Variants in RAB31 observed in about 807,000 individuals in gnomAD.
RAB31 encodes the protein RAB31, member RAS oncogene family.
Under a neutral mutation model 25.6 loss-of-function variants are expected in RAB31, and 21 were observed. The ratio of observed to expected loss-of-function variants is 0.82; its 90% CI spans 0.58 to 1.18. RAB31 has a LOEUF of 1.18. Among genes scored for constraint, RAB31 ranks in the 50% most tolerant of loss-of-function variants. The pLI, the probability that RAB31 is intolerant of heterozygous loss-of-function variation, is 0.00. For synonymous variants in RAB31, 87 were observed against 84.0 expected (o/e 1.04, Z -0.20); for missense variants, 196 against 250.1 (o/e 0.78, Z 1.46).
Position 9,766,974 on chromosome 18 carries a change from C to T in RAB31, c.40-8304C>T, listed in dbSNP as rs182303596. Among the ~76,000 whole-genome samples the T allele has an allele frequency of 6.6e-6, 1 of 152,030 alleles. No individual in the cohort carries two copies. The highest frequency in any genetic ancestry group is 2.4e-5 in the African/African-American group (1 of 41,444). On this transcript the variant is annotated intron_variant, in intron 1 of 6. Transcript: ENST00000578921. This position sits in a 1 kb window ranked among gnomAD's most constrained non-coding sequence, Gnocchi z 4.3. ...CTTGTCTCAAAACAAACAAACAAAA[C>T]CCCAAACCAAAACAAACAAAAAGAA...
chr18:9,794,144 C>T (rs1020063551), intron 3 of RAB31, among the ~76,000 whole-genome samples: 10 of 152,158 alleles, frequency 6.6e-5, no homozygotes, highest in African/African-American at 2.4e-4. Flanking sequence ...GTCCTCCTGC[C>T]TTGGCCTTCC....
intron 1 of RAB31, among the ~76,000 whole-genome samples, chr18:9,715,001 C>A (rs2068036845): frequency 6.6e-6 from 1 of 152,176 alleles, no homozygotes; most frequent in Non-Finnish European, 1.5e-5. Flanking sequence ...TCGCACAGTG[C>A]TGTGCTAACT....
chr18:9,728,411 A>C (rs1377886888), intron 1 of RAB31, among the ~76,000 whole-genome samples: 1 of 152,260 alleles, frequency 6.6e-6, no homozygotes, highest in Admixed American at 6.5e-5. Context: ...AGAGAATAGG[A>C]GATTGATATC....
intron 6 of RAB31, among the ~76,000 whole-genome samples, chr18:9,849,944 G>T (rs186503537): frequency 2.0e-5 from 3 of 152,320 alleles, no homozygotes; most frequent in Admixed American, 2.0e-4. Flanking sequence ...AAGCAGGAGT[G>T]CAGAGTGTCC....
intron 1 of RAB31, among the ~76,000 whole-genome samples, chr18:9,724,984 C>T (rs1457738231): frequency 2.6e-5 from 4 of 152,266 alleles, no homozygotes; most frequent in African/African-American, 7.2e-5. Context: ...GTCTGGTGAG[C>T]GGACCGGGCA....
intron 2 of RAB31, among the ~76,000 whole-genome samples, chr18:9,788,925 G>A (rs2068446612): frequency 6.6e-6 from 1 of 152,190 alleles, no homozygotes; most frequent in Non-Finnish European, 1.5e-5. Context: ...AGCTGAGACT[G>A]TGCCACTGCA....
At chr18:9,760,975 A>G (rs1166119566) in intron 1 of RAB31, among the ~76,000 whole-genome samples, 4 of 152,154 alleles carry the variant, frequency 2.6e-5, no homozygotes, top group Non-Finnish European at 5.9e-5. Context: ...ATGAGATCCT[A>G]AAAGCAAGTT....
intron 6 of RAB31, 111 bp from the exon 7 acceptor site, chr18:9,859,117 C>A: frequency 1.2e-6 from 1 of 844,360 alleles, no homozygotes; most frequent in Non-Finnish European, 1.8e-6. Flanking sequence ...CCAGGAACAC[C>A]TTTATTTTGT....
At chr18:9,745,079 AG>A (rs2068198856) in intron 1 of RAB31, among the ~76,000 whole-genome samples, 2 of 152,306 alleles carry the variant, frequency 1.3e-5, no homozygotes, top group South Asian at 4.1e-4. Context: ...TAAGAAAAAA[AG>A]AGAAAAGAAG....
chr18:9,766,608 C>G lies in RAB31; in HGVS notation c.40-8670C>G, dbSNP rs1427835255. The stretch of plus-strand genomic sequence containing the variant: ...ACAAGGTCTGCTGCCCTGTACAGGC[C>G]TCCTGAATTCCCTAACTTAACTCCT... On this transcript the variant is annotated intron_variant, in intron 1 of 6. Transcript: ENST00000578921. The surrounding 1 kb of genome is among the most constrained non-coding windows in gnomAD (Gnocchi z 4.3). Among the ~76,000 whole-genome samples, 1 of 152,150 alleles carries G rather than the reference C, an allele frequency of 6.6e-6. No homozygotes were observed. Among genetic ancestry groups the G allele is most frequent in the Non-Finnish European group, 1.5e-5 (1 of 68,026 alleles).
intron 5 of RAB31, among the ~76,000 whole-genome samples, chr18:9,836,063 C>T (rs1053575528): frequency 6.6e-6 from 1 of 152,036 alleles, no homozygotes; most frequent in African/African-American, 2.4e-5. Flanking sequence ...ATACCTTAAA[C>T]ATGTGGGATG....
Position 9,859,492 on chromosome 18 carries a change from A to C in RAB31, c.*167A>C. 1.9e-6 allele frequency: 1 copy of C among 525,144 alleles called. No homozygotes were observed. The highest frequency in any genetic ancestry group is 3.3e-6 in the Non-Finnish European group (1 of 307,000). 32.5% of individuals were successfully genotyped at this position (525,144 alleles called of 1,614,324 possible). On this transcript the variant is annotated 3_prime_UTR_variant, in exon 7 of 7. Coordinates refer to ENST00000578921, the MANE Select transcript of RAB31 (RefSeq NM_006868.4). ...GGGCGGGGCAGGAAATGTACCTGAA[A>C]AGGATTTTAGAAAACCCTGGGAAAA...
chr18:9,709,279 A>T (rs1305168831), intron 1 of RAB31, among the ~76,000 whole-genome samples: 1 of 152,160 alleles, frequency 6.6e-6, no homozygotes, highest in Non-Finnish European at 1.5e-5. Context: ...GAATTCAGAT[A>T]AACGTAGGGT....
At chr18:9,796,901 A>T (rs1298552586) in intron 3 of RAB31, among the ~76,000 whole-genome samples, 1 of 152,110 alleles carries the variant, frequency 6.6e-6, no homozygotes, top group Non-Finnish European at 1.5e-5. Flanking sequence ...ATGCTAAAGT[A>T]AATATTAATT....
At chr18:9,817,445 A>G (rs1278652316) in intron 5 of RAB31, among the ~76,000 whole-genome samples, 1 of 152,166 alleles carries the variant, frequency 6.6e-6, no homozygotes, top group Non-Finnish European at 1.5e-5. Context: ...CAGCTCTGGC[A>G]TTTGACATGT....
chr18:9,774,610 C>T (rs2145490478), intron 1 of RAB31, among the ~76,000 whole-genome samples: 1 of 152,222 alleles, frequency 6.6e-6, no homozygotes, highest in East Asian at 1.9e-4. Context: ...GAATTTGTGT[C>T]TTTTATTTCT....
At chr18:9,808,668 T>C (rs2068554503) in intron 3 of RAB31, among the ~76,000 whole-genome samples, 1 of 152,198 alleles carries the variant, frequency 6.6e-6, no homozygotes, top group Non-Finnish European at 1.5e-5. Flanking sequence ...GACGCTCCCT[T>C]ATGGTGGCCT....
chr18:9,733,489 C>T (rs1315645196), intron 1 of RAB31, among the ~76,000 whole-genome samples: 1 of 152,196 alleles, frequency 6.6e-6, no homozygotes, highest in Non-Finnish European at 1.5e-5. Flanking sequence ...CTGTCCCACC[C>T]TTCAGTGTCC....
Position 9,782,124 on chromosome 18 carries a change from C to T in RAB31, c.119+6767C>T, listed in dbSNP as rs369636323. ...AGGCCTCCCGGCTTCATGCCATTCC[C>T]GCTAGGTATTGTTACTATTATGTTC... is the stretch of plus-strand genomic sequence containing the variant. On this transcript the variant is annotated intron_variant, in intron 2 of 6. Coordinates refer to ENST00000578921, the MANE Select transcript of RAB31 (RefSeq NM_006868.4). 3.4e-4 allele frequency among the ~76,000 whole-genome samples: 52 copies of T among 152,370 alleles called. No individual in the cohort carries two copies. The East Asian group carries it at 5.2e-3, about 15-fold the overall frequency.
Sources: allele counts gnomAD v4.1 joint callset (sites outside exome capture counted in the v4.1 genomes callset), GRCh38; gene constraint gnomAD v4.1.1; non-coding constraint Gnocchi (gnomAD v3.1); transcripts MANE v1.5; gene names NCBI Gene and HGNC (gene_info 2026-07-23, HGNC 2026-07-21).